The following MICAL2 variants were observed in gnomAD, a reference collection of about 807,000 sequenced individuals.
MICAL2 encodes the protein [F-actin]-monooxygenase MICAL2.
In MICAL2, 77 loss-of-function variants were observed where a neutral mutation model predicts 127.3. The observed-to-expected ratio is 0.60, with a 90% CI of 0.50 to 0.73. The LOEUF is 0.73. MICAL2 is among the 30% of genes least tolerant of loss of function. The pLI, the probability that MICAL2 is intolerant of heterozygous loss-of-function variation, is 0.00. For missense variants in MICAL2, 1,351 were observed against 1,434.4 expected, an observed-to-expected ratio of 0.94 and a Z score of 0.94; for synonymous variants, 570 against 551.1, an observed-to-expected ratio of 1.03 and a Z score of -0.48.
intron 1 of MICAL2, among the ~76,000 whole-genome samples, chr11:12,130,236 G>C (rs181244684): frequency 6.6e-6 from 1 of 152,322 alleles, no homozygotes; most frequent in East Asian, 1.9e-4. Context: ...CATTTGCAGT[G>C]CCTGAGTATG....
chr11:12,256,133 T>G, intron 23 of MICAL2: 1 of 176,172 alleles, frequency 5.7e-6, no homozygotes, highest in Non-Finnish European at 1.2e-5. Context: ...AAATAGCCCT[T>G]TGATTTGAAT....
intron 13 of MICAL2, 131 bp from the exon 14 acceptor site, chr11:12,226,040 A>G (rs1857396033): frequency 2.5e-6 from 2 of 813,044 alleles, no homozygotes; most frequent in Non-Finnish European, 4.1e-6. Flanking sequence ...TGGGGTCACT[A>G]TTCCTCCCCT....
At chr11:12,257,075 C>T (rs1862432904) in intron 24 of MICAL2, 104 bp downstream of exon 24, 1 of 1,218,776 alleles carries the variant, frequency 8.2e-7, no homozygotes, top group South Asian at 1.6e-5. Flanking sequence ...CCCAAACATA[C>T]CCAAAAGGAA....
exon 33 of MICAL2, chr11:12,349,913 G>T: frequency 1.2e-6 from 2 of 1,614,030 alleles, no homozygotes; most frequent in Non-Finnish European, 1.7e-6. Flanking sequence ...AAATTAATGC[G>T]ATATGAGTCG....
intron 3 of MICAL2, chr11:12,163,734 G>A (rs545264262): frequency 3.9e-4 from 59 of 152,486 alleles, no homozygotes; most frequent in African/African-American, 1.4e-3. Context: ...AATGTCCTGG[G>A]TGCCACTCCT....
chr11:12,231,317 C>A (rs565537933), intron 15 of MICAL2, among the ~76,000 whole-genome samples: 2 of 152,300 alleles, frequency 1.3e-5, no homozygotes, highest in African/African-American at 2.4e-5. Context: ...AGATGGGTAG[C>A]CCCAGGTTTG....
chr11:12,207,465 T>C (rs192552875), intron 4 of MICAL2, among the ~76,000 whole-genome samples: 1 of 152,344 alleles, frequency 6.6e-6, no homozygotes, highest in Admixed American at 6.5e-5. Flanking sequence ...TTCCACTCAC[T>C]AGGGGAGTTT....
At chr11:12,270,944 C>T (rs1863667703) in intron 24 of MICAL2, among the ~76,000 whole-genome samples, 1 of 152,176 alleles carries the variant, frequency 6.6e-6, no homozygotes, top group Admixed American at 6.6e-5. Context: ...CCAGGGAGTG[C>T]CGCGCCTCTC....
chr11:12,330,809 G>GAC lies in MICAL2; in HGVS notation c.5515+3544_5515+3545insCA, dbSNP rs1390739904. 7.4e-4 allele frequency among the ~76,000 whole-genome samples: 112 copies of GAC among 150,666 alleles called. 5 individuals are homozygous for GAC. In the East Asian group the frequency reaches 0.019, roughly 26 times the overall value. On this transcript the variant is annotated intron_variant, in intron 32 of 34. Transcript: ENST00000646065. ...GTGGAGAGAGAGAGAGAGAGACAGA[G>GAC]AGAGAGAGAGAGGGAGAGACAGACA...
intron 29 of MICAL2, among the ~76,000 whole-genome samples, chr11:12,298,364 C>T (rs1223615664): frequency 1.3e-5 from 2 of 151,952 alleles, no homozygotes; most frequent in African/African-American, 4.8e-5. Context: ...TTATTAATTC[C>T]TCTTTGTTAT....
Position 12,135,998 on chromosome 11 carries a change from C to A in MICAL2, c.-148-2392C>A, listed in dbSNP as rs545478515. On this transcript the variant is annotated intron_variant, in intron 1 of 27. Coordinates refer to ENST00000683283, the MANE Select transcript of MICAL2 (RefSeq NM_001282663.2). Reference sequence around the variant, plus strand: ...CAAATATTTACTGAGGGCCTGGAGGCTCCAGGCCCTGTCCAAGTGCTGGGG... The same window carrying A: ...CAAATATTTACTGAGGGCCTGGAGGATCCAGGCCCTGTCCAAGTGCTGGGG... Among the ~76,000 whole-genome samples, 2 of 152,272 alleles carry A rather than the reference C, an allele frequency of 1.3e-5. 1 individual carries two copies. The highest frequency in any genetic ancestry group is 4.8e-5 in the African/African-American group (2 of 41,562).
At chr11:12,176,447 C>G (rs965651361) in intron 3 of MICAL2, among the ~76,000 whole-genome samples, 1 of 152,168 alleles carries the variant, frequency 6.6e-6, no homozygotes, top group Non-Finnish European at 1.5e-5. Context: ...TCGCCTCCTT[C>G]TACTTCTTGA....
At position 12,200,812 on chromosome 11, in the gene MICAL2, T is replaced by C. The variant is rs562021476; in HGVS notation, c.265-3438T>C. The stretch of plus-strand genomic sequence containing the variant: ...GCGTGCAAAATGCATGGCAGCTCCC[T>C]GACTGGTGGGAAAGGGGTCTCCTGC... On this transcript the variant is annotated intron_variant, in intron 3 of 27. Coordinates refer to ENST00000683283, the MANE Select transcript of MICAL2 (RefSeq NM_001282663.2). Among the ~76,000 whole-genome samples the C allele has an allele frequency of 8.7e-3, 1,325 of 152,324 alleles. 11 individuals carry two copies. Among genetic ancestry groups the C allele is most frequent in the Non-Finnish European group, 0.016 (1,109 of 68,020 alleles).
At chr11:12,210,919 G>GC (rs1565169860) in intron 6 of MICAL2, among the ~76,000 whole-genome samples, 1 of 152,200 alleles carries the variant, frequency 6.6e-6, no homozygotes, top group Non-Finnish European at 1.5e-5. Context: ...GACACTGGCA[G>GC]CACCCCCAGG....
downstream of MICAL2, among the ~76,000 whole-genome samples, chr11:12,297,093 G>A (rs1388881474): frequency 6.6e-6 from 1 of 152,126 alleles, no homozygotes; most frequent in African/African-American, 2.4e-5. Flanking sequence ...TGGAGCAAAG[G>A]ATATGTGAAT....
At chr11:12,299,138 G>A (rs1332690607) in intron 29 of MICAL2, among the ~76,000 whole-genome samples, 1 of 152,200 alleles carries the variant, frequency 6.6e-6, no homozygotes, top group Non-Finnish European at 1.5e-5. Flanking sequence ...ATGGAATTAG[G>A]TTAGAGTTAG....
chr11:12,264,563 C>T (rs1011365296), downstream of MICAL2, among the ~76,000 whole-genome samples: 2 of 152,146 alleles, frequency 1.3e-5, no homozygotes, highest in South Asian at 2.1e-4. Flanking sequence ...CGTAGCTGGG[C>T]GTAGCTGGGC....
intron 3 of MICAL2, among the ~76,000 whole-genome samples, chr11:12,177,910 T>C (rs939717808): frequency 6.6e-6 from 1 of 152,152 alleles, no homozygotes; most frequent in African/African-American, 2.4e-5. Context: ...CATGACCCCG[T>C]TGAAGTAATC....
chr11:12,216,329 T>C lies in MICAL2; in HGVS notation c.948+10T>C, dbSNP rs1434694624. 1 of 1,607,658 alleles carries C rather than the reference T, an allele frequency of 6.2e-7. No individual in the cohort carries two copies. Among genetic ancestry groups the C allele is most frequent in the East Asian group, 2.2e-5 (1 of 44,836 alleles). ...AGGTGTCATCATTAACGTACGTACC[T>C]CTTGGCTGCGATTTCCCGACTTCGC... On this transcript the variant is annotated intron_variant, in intron 8 of 27. Transcript: ENST00000683283.
Sources: allele counts gnomAD v4.1 joint callset (sites outside exome capture counted in the v4.1 genomes callset), GRCh38; gene constraint gnomAD v4.1.1; transcripts MANE v1.5; gene names NCBI Gene and HGNC (gene_info 2026-07-23, HGNC 2026-07-21).